PADI4: variants seen among roughly 807,000 people sequenced by gnomAD.
PADI4 encodes the protein protein-arginine deiminase type-4.
Under a neutral mutation model 75.0 loss-of-function variants are expected in PADI4, and 62 were observed. The ratio of observed to expected loss-of-function variants is 0.83; its 90% CI spans 0.67 to 1.02. PADI4 has a LOEUF of 1.02. PADI4 is among the 50% of genes least tolerant of loss of function. The pLI, the probability that PADI4 is intolerant of heterozygous loss-of-function variation, is 0.00. For missense variants in PADI4, 845 were observed against 850.5 expected (o/e 0.99, Z 0.08); for synonymous variants, 361 against 348.1 (o/e 1.04, Z -0.41).
intron 1 of PADI4, among the ~76,000 whole-genome samples, chr1:17,316,808 C>T (rs996545095): frequency 5.9e-5 from 9 of 152,132 alleles, no homozygotes; most frequent in African/African-American, 2.2e-4. Flanking sequence ...CCGCGCCCAG[C>T]TTCTATCTGT....
intron 1 of PADI4, among the ~76,000 whole-genome samples, chr1:17,314,602 C>T (rs574417731): frequency 1.3e-5 from 2 of 152,286 alleles, no homozygotes; most frequent in South Asian, 4.1e-4. Flanking sequence ...GGAAGCAGGT[C>T]GACGTGATTC....
chr1:17,312,877 T>A (rs965038468), intron 1 of PADI4, among the ~76,000 whole-genome samples: 13 of 146,404 alleles, frequency 8.9e-5, no homozygotes, highest in Non-Finnish European at 1.2e-4. Context: ...TTTTTTTTAA[T>A]CTTTGTAGCT....
In PADI4 at chr1:17,356,410, G is replaced by T; in HGVS notation, c.1509G>T (p.Glu503Asp). 6.2e-7 allele frequency: 1 copy of T among 1,613,772 alleles called. No individual in the cohort carries two copies. Among genetic ancestry groups the T allele is most frequent in the South Asian group, 1.1e-5 (1 of 91,028 alleles). ...SPRSCYKLFQ[E>D]QQNEGHGEAL... Reference sequence around the variant, plus strand: ...GGTCCTGCTACAAACTGTTCCAGGAGCAGCAGAATGAGGGCCACGGGGAGG... The same window carrying T: ...GGTCCTGCTACAAACTGTTCCAGGATCAGCAGAATGAGGGCCACGGGGAGG... Residue 503 changes from glutamate (E) to aspartate (D), a missense_variant, in exon 13 of 16, where the codon GAG (glutamate) becomes GAT (aspartate). Glu to Asp is a conservative substitution (Grantham distance 45, BLOSUM62 2). Coordinates refer to ENST00000375448, the MANE Select transcript of PADI4 (RefSeq NM_012387.3). This position sits in a 1 kb window ranked among gnomAD's most constrained non-coding sequence, Gnocchi z 4.1.
chr1:17,359,809 G>C (rs2074823623), intron 15 of PADI4, among the ~76,000 whole-genome samples: 1 of 152,224 alleles, frequency 6.6e-6, no homozygotes, highest in African/African-American at 2.4e-5. Flanking sequence ...TTAACATCAA[G>C]AGAGAAGGGG....
chr1:17,309,172 GAAAAA>G (rs35072789), intron 1 of PADI4, among the ~76,000 whole-genome samples: 5 of 143,716 alleles, frequency 3.5e-5, no homozygotes, highest in Non-Finnish European at 7.6e-5. Context: ...ATTTTCCCTG[GAAAAA>G]AAAAAAAAAA....
intron 10 of PADI4, among the ~76,000 whole-genome samples, chr1:17,352,036 G>C (rs866620037): frequency 1.3e-4 from 8 of 61,964 alleles, no homozygotes; most frequent in African/African-American, 3.8e-4. Context: ...GAGGTGATGG[G>C]AGGAGAGGCA....
intron 8 of PADI4, among the ~76,000 whole-genome samples, chr1:17,342,722 C>G (rs546049520): frequency 8.5e-5 from 13 of 152,298 alleles, no homozygotes; most frequent in African/African-American, 2.9e-4. Flanking sequence ...CGCCTGTAAT[C>G]CTAGCACTTT....
At chr1:17,313,498 CAAAAAAAAAA>C (rs71014933) in intron 1 of PADI4, among the ~76,000 whole-genome samples, 38 of 68,418 alleles carry the variant, frequency 5.6e-4, no homozygotes, top group Non-Finnish European at 8.2e-4. Context: ...AAGACCTTGT[CAAAAAAAAAA>C]AAAAAAAAAA....
At chr1:17,314,797 G>A (rs530147031) in intron 1 of PADI4, among the ~76,000 whole-genome samples, 1 of 152,366 alleles carries the variant, frequency 6.6e-6, no homozygotes, top group South Asian at 2.1e-4. Flanking sequence ...CAGCTGGTCT[G>A]CAGGAGAGTA....
At chr1:17,331,967 G>A (rs4920596) in intron 2 of PADI4, among the ~76,000 whole-genome samples, 84,836 of 152,030 alleles carry the variant, frequency 0.56, 23,855 homozygotes, top group East Asian at 0.59. Flanking sequence ...AACAACAGAA[G>A]TGTATCCTCT....
chr1:17,360,928 G>A (rs1405234230), intron 15 of PADI4, among the ~76,000 whole-genome samples: 3 of 151,454 alleles, frequency 2.0e-5, no homozygotes, highest in Non-Finnish European at 4.4e-5. Flanking sequence ...TGGCCCCTAA[G>A]TGCTGTCTTG....
chr1:17,310,097 C>T (rs779190956), intron 1 of PADI4, among the ~76,000 whole-genome samples: 11 of 152,314 alleles, frequency 7.2e-5, no homozygotes, highest in Non-Finnish European at 7.4e-5. Context: ...TTCAGCCACA[C>T]GTTGAGCCTG....
intron 1 of PADI4, among the ~76,000 whole-genome samples, chr1:17,309,036 C>T (rs961188578): frequency 1.3e-5 from 2 of 151,618 alleles, no homozygotes; most frequent in African/African-American, 4.9e-5. Flanking sequence ...CTGGGTTAAA[C>T]AAGAGAGTTG....
Position 17,327,274 on chromosome 1 carries a change from G to A in PADI4, c.93-3695G>A, listed in dbSNP as rs72916831. 8.5e-3 allele frequency among the ~76,000 whole-genome samples: 1,296 copies of A among 152,170 alleles called. 24 individuals carry two copies. The highest frequency in any genetic ancestry group is 0.029 in the African/African-American group (1,224 of 41,510). ...GAATATCTTCTAGGTAAGTTAAACC[G>A]TATATCATTAGGTTGTAATCCTCTC... On this transcript the variant is annotated intron_variant, in intron 1 of 15. Transcript: ENST00000375448.
chr1:17,349,229 G>A (rs2074577299), intron 10 of PADI4, among the ~76,000 whole-genome samples: 1 of 152,170 alleles, frequency 6.6e-6, no homozygotes, highest in Non-Finnish European at 1.5e-5. Flanking sequence ...TGGTTCAGTG[G>A]CTGTGTCTAC....
At chr1:17,331,847 G>T (rs994114969) in intron 2 of PADI4, among the ~76,000 whole-genome samples, 4 of 152,178 alleles carry the variant, frequency 2.6e-5, no homozygotes, top group Non-Finnish European at 2.9e-5. Flanking sequence ...GAACCCGGGA[G>T]GGGGAGGTTT....
At position 17,346,165 on chromosome 1, in the gene PADI4, G is replaced by C; in HGVS notation, c.1047+26G>C. ...GTATGTGCCCTGCGGGGCAGGCAGG[G>C]TGACTGTCCCTGAGGGCCAAGAGAC... On this transcript the variant is annotated intron_variant, in intron 9 of 15. Transcript: ENST00000375448. This position sits in a 1 kb window ranked among gnomAD's most constrained non-coding sequence, Gnocchi z 4.3. The C allele has an allele frequency of 6.7e-7, 1 of 1,487,336 alleles. No individual in the cohort carries two copies. Among genetic ancestry groups the C allele is most frequent in the South Asian group, 1.1e-5 (1 of 88,470 alleles). 92.1% of individuals were successfully genotyped at this position (1,487,336 alleles called of 1,614,324 possible).
intron 1 of PADI4, among the ~76,000 whole-genome samples, chr1:17,329,015 A>T (rs1475331199): frequency 1.4e-5 from 2 of 145,478 alleles, no homozygotes; most frequent in East Asian, 3.9e-4. Context: ...ATTTATTAAG[A>T]TATCTTAATA....
chr1:17,323,561 A>G (rs2074067326), intron 1 of PADI4, among the ~76,000 whole-genome samples: 2 of 152,234 alleles, frequency 1.3e-5, no homozygotes. Context: ...TAAGCCAGGT[A>G]CTGTGATTCA....
Sources: gnomAD v4.1 joint callset for allele counts (sites outside exome capture counted in the v4.1 genomes callset) on GRCh38, gnomAD v4.1.1 for gene constraint, Gnocchi (gnomAD v3.1) non-coding constraint, MANE v1.5 for transcripts, NCBI Gene and HGNC (gene_info 2026-07-23, HGNC 2026-07-21) for gene names.